Variants in CAMTA1 observed in about 807,000 individuals in gnomAD.
CAMTA1 encodes the protein calmodulin binding transcription activator 1, also known as calmodulin-binding transcription activator 1.
CAMTA1 carries 27 observed loss-of-function variants against 170.9 expected under a neutral mutation model. The observed-to-expected ratio is 0.16, with a 90% CI of 0.12 to 0.22. The LOEUF is 0.22. Ranked by LOEUF, CAMTA1 falls within the 10% of genes least tolerant of loss-of-function variation. The pLI is 1.00. For missense variants in CAMTA1, 1,619 were observed against 2,217.2 expected (o/e 0.73, Z 5.42); for synonymous variants, 833 against 891.5 (o/e 0.93, Z 1.17).
intron 4 of CAMTA1, among the ~76,000 whole-genome samples, chr1:7,111,656 T>G (rs1256306657): frequency 6.6e-6 from 1 of 151,862 alleles, no homozygotes; most frequent in African/African-American, 2.4e-5. Flanking sequence ...GAGGATGAGG[T>G]GGGCAGATCA....
rs1476524295 is a variant in CAMTA1 at position 7,325,704 on chromosome 1, T to C, written c.438+76078T>C. Among the ~76,000 whole-genome samples, 1 of 152,146 alleles carries C rather than the reference T, an allele frequency of 6.6e-6. No homozygotes were observed. Among genetic ancestry groups the C allele is most frequent in the East Asian group, 1.9e-4 (1 of 5,192 alleles). ...GGCAGTAACTGAGATGAGGAAGCTATAAGAGAAGCAGTTTTGGAGGAAGCA... is the reference window on the plus strand; with the variant it reads ...GGCAGTAACTGAGATGAGGAAGCTACAAGAGAAGCAGTTTTGGAGGAAGCA... On this transcript the variant is annotated intron_variant, in intron 5 of 22. Coordinates refer to ENST00000303635, the MANE Select transcript of CAMTA1 (RefSeq NM_015215.4). This position sits in a 1 kb window ranked among gnomAD's most constrained non-coding sequence, Gnocchi z 5.0.
intron 6 of CAMTA1, among the ~76,000 whole-genome samples, chr1:7,549,052 TA>T (rs1391149387): frequency 2.3e-5 from 3 of 132,030 alleles, no homozygotes; most frequent in Admixed American, 2.2e-4. Flanking sequence ...GGTGCCCCCT[TA>T]GGGGTGGAGG....
At chr1:6,859,198 G>C (rs1014330092) in intron 3 of CAMTA1, among the ~76,000 whole-genome samples, 11 of 146,986 alleles carry the variant, frequency 7.5e-5, no homozygotes, top group Non-Finnish European at 7.4e-5. Context: ...TGTAAATCGC[G>C]TGTGTGTTGT....
intron 3 of CAMTA1, among the ~76,000 whole-genome samples, chr1:6,854,515 T>TA (rs1238311928): frequency 6.6e-6 from 1 of 152,090 alleles, no homozygotes; most frequent in Non-Finnish European, 1.5e-5. Flanking sequence ...CTGTTGAAAA[T>TA]AAGATACATT....
Position 6,871,537 on chromosome 1 carries a change from CT to C in CAMTA1, c.234+46330del, listed in dbSNP as rs1668411251. 2.0e-5 allele frequency among the ~76,000 whole-genome samples: 3 copies of C among 152,030 alleles called. No individual in the cohort carries two copies. In the South Asian group the frequency reaches 6.2e-4, roughly 32 times the overall value. Reference sequence around the variant, plus strand: ...ATTGAAATATCAGCACTTTTGGTCACTTTCAGTTGAAGATATTTTAGGTTTT... The same window carrying C: ...ATTGAAATATCAGCACTTTTGGTCACTTCAGTTGAAGATATTTTAGGTTTT... On this transcript the variant is annotated intron_variant, in intron 3 of 22. Transcript: ENST00000303635.
intron 1 of CAMTA1, among the ~76,000 whole-genome samples, chr1:6,796,732 C>T (rs907539059): frequency 6.6e-6 from 1 of 152,114 alleles, no homozygotes; most frequent in African/African-American, 2.4e-5. Flanking sequence ...TCCGGTTTCT[C>T]CTCTAGGGAG....
intron 3 of CAMTA1, among the ~76,000 whole-genome samples, chr1:7,000,276 C>CT (rs1170991145): frequency 6.6e-6 from 1 of 152,254 alleles, no homozygotes; most frequent in Non-Finnish European, 1.5e-5. Context: ...CCCACTCATG[C>CT]TTGTCTTCCC....
chr1:7,034,855 TGGCCAGA>T (rs1266434300), intron 3 of CAMTA1, among the ~76,000 whole-genome samples: 1 of 152,224 alleles, frequency 6.6e-6, no homozygotes, highest in African/African-American at 2.4e-5. Context: ...TACTCCATCT[TGGCCAGA>T]GGCAGAAGCC....
intron 4 of CAMTA1, among the ~76,000 whole-genome samples, chr1:7,128,208 C>T (rs1247832923): frequency 6.6e-6 from 1 of 152,134 alleles, no homozygotes; most frequent in Non-Finnish European, 1.5e-5. Context: ...TGCCCGGTTT[C>T]CCCCTACCTC....
intron 11 of CAMTA1, among the ~76,000 whole-genome samples, chr1:7,719,999 C>T (rs1000249094): frequency 6.6e-6 from 1 of 152,220 alleles, no homozygotes; most frequent in African/African-American, 2.4e-5. Flanking sequence ...TGGTATTTGA[C>T]GATTGCTTCT....
chr1:7,082,702 C>T (rs7542709), intron 3 of CAMTA1, among the ~76,000 whole-genome samples: 38,244 of 151,872 alleles, frequency 0.25, 4,939 homozygotes, highest in East Asian at 0.32. Context: ...TCCCATTTTC[C>T]TGCTTTCACT....
intron 5 of CAMTA1, among the ~76,000 whole-genome samples, chr1:7,376,590 T>G (rs902846307): frequency 6.6e-5 from 10 of 152,194 alleles, no homozygotes; most frequent in Non-Finnish European, 1.3e-4. Flanking sequence ...TGGGCTTCAT[T>G]GTCCTCCCTC....
chr1:7,154,333 C>A (rs1021196328), intron 4 of CAMTA1, among the ~76,000 whole-genome samples: 8 of 152,068 alleles, frequency 5.3e-5, no homozygotes, highest in African/African-American at 1.9e-4. Flanking sequence ...ATCCTGGAGT[C>A]ATTGATAAAT....
chr1:7,631,587 CCT>C (rs1056511394), intron 6 of CAMTA1, among the ~76,000 whole-genome samples: 4 of 152,192 alleles, frequency 2.6e-5, no homozygotes, highest in Admixed American at 1.3e-4. Context: ...TGCTCCCACC[CCT>C]GAGTGGCCGT....
intron 3 of CAMTA1, among the ~76,000 whole-genome samples, chr1:7,069,983 G>C (rs540438590): frequency 1.3e-5 from 2 of 152,334 alleles, no homozygotes; most frequent in South Asian, 4.1e-4. Context: ...GCTACTCCTT[G>C]CCGCGGCCTC....
Position 7,221,906 on chromosome 1 carries a change from T to TACAC in CAMTA1, c.303-27567_303-27564dup, listed in dbSNP as rs34399218. On this transcript the variant is annotated intron_variant, in intron 4 of 22. Coordinates refer to ENST00000303635, the MANE Select transcript of CAMTA1 (RefSeq NM_015215.4). ...GAGGGCATGTGCACAAGCTGGTGCA[T>TACAC]ACACACACACACACACACACATACA... is the stretch of plus-strand genomic sequence containing the variant. 1.6e-3 allele frequency among the ~76,000 whole-genome samples: 230 copies of TACAC among 147,646 alleles called. 4 individuals carry two copies. Among genetic ancestry groups the TACAC allele is most frequent in the African/African-American group, 4.7e-3 (184 of 39,232 alleles).
intron 5 of CAMTA1, among the ~76,000 whole-genome samples, chr1:7,377,160 C>A (rs966905412): frequency 6.6e-6 from 1 of 152,326 alleles, no homozygotes; most frequent in African/African-American, 2.4e-5. Flanking sequence ...CTCTCTACCC[C>A]AGGAGAGACC....
At chr1:7,174,704 C>T (rs1412719364) in intron 4 of CAMTA1, among the ~76,000 whole-genome samples, 8 of 152,160 alleles carry the variant, frequency 5.3e-5, no homozygotes, top group Non-Finnish European at 8.8e-5. Flanking sequence ...CACGAGAGGC[C>T]GTGGACGAGC....
At chr1:7,567,272 A>G (rs1306750379) in intron 6 of CAMTA1, among the ~76,000 whole-genome samples, 1 of 152,220 alleles carries the variant, frequency 6.6e-6, no homozygotes, top group Admixed American at 6.5e-5. Flanking sequence ...TCTGAACCAC[A>G]GGCGAAGTGT....
Sources: gnomAD v4.1 joint callset for allele counts (sites outside exome capture counted in the v4.1 genomes callset) on GRCh38, gnomAD v4.1.1 for gene constraint, Gnocchi (gnomAD v3.1) non-coding constraint, MANE v1.5 for transcripts, NCBI Gene and HGNC (gene_info 2026-07-23, HGNC 2026-07-21) for gene names.